CMIP: variants seen among roughly 807,000 people sequenced by gnomAD.
CMIP encodes C-Maf-inducing protein.
A neutral mutation model predicts 97.3 loss-of-function variants in CMIP; 13 were observed. The ratio of observed to expected loss-of-function variants is 0.13; its 90% CI spans 0.09 to 0.21. CMIP has a LOEUF of 0.21. Ranked by LOEUF, CMIP falls within the 10% of genes least tolerant of loss-of-function variation. The pLI is 1.00. For missense variants in CMIP, 847 were observed against 1,024.9 expected (o/e 0.83, Z 2.37); for synonymous variants, 538 against 436.3 (o/e 1.23, Z -2.91).
chr16:81,479,012 C>T (rs1029449417), intron 1 of CMIP, among the ~76,000 whole-genome samples: 1 of 152,186 alleles, frequency 6.6e-6, no homozygotes, highest in African/African-American at 2.4e-5. Context: ...TTGCTGGACG[C>T]CTAGGAGAAG....
rs184638611 is a variant in CMIP, at chr16:81,706,754, C to T, written c.2198-260C>T. Reference sequence around the variant, plus strand: ...ATCAGGTCCAGGCAGTGGGGGCACACGACAGAGGGACCAGAAGGGAGGGAG... The same window carrying T: ...ATCAGGTCCAGGCAGTGGGGGCACATGACAGAGGGACCAGAAGGGAGGGAG... On this transcript the variant is annotated intron_variant, in intron 19 of 20. Coordinates refer to ENST00000537098, the MANE Select transcript of CMIP (RefSeq NM_198390.3). Among the ~76,000 whole-genome samples, 593 of 152,172 alleles carry T rather than the reference C, an allele frequency of 3.9e-3. 1 individual carries two copies. The highest frequency in any genetic ancestry group is 0.013 in the African/African-American group (526 of 41,496).
rs181076049 is a variant in CMIP, at chr16:81,540,863, G to A, written c.301-66704G>A. Among the ~76,000 whole-genome samples, 173 of 152,010 alleles carry A rather than the reference G, an allele frequency of 1.1e-3. 1 individual carries two copies. The highest frequency in any genetic ancestry group is 4.0e-3 in the African/African-American group (167 of 41,456). On this transcript the variant is annotated intron_variant, in intron 1 of 20. Coordinates refer to ENST00000537098, the MANE Select transcript of CMIP (RefSeq NM_198390.3). Reference sequence around the variant, plus strand: ...GCCTGGCTAATTTTTTGTATTTTTAGTAGAGACAGGGTTTCACCGTGTTAG... The same window carrying A: ...GCCTGGCTAATTTTTTGTATTTTTAATAGAGACAGGGTTTCACCGTGTTAG...
chr16:81,511,928 T>A (rs1043264723), intron 1 of CMIP, among the ~76,000 whole-genome samples: 12 of 152,206 alleles, frequency 7.9e-5, no homozygotes, highest in African/African-American at 2.9e-4. Flanking sequence ...CGCTGAGCAC[T>A]TGAAATGAGG....
At chr16:81,530,846 T>G (rs547321650) in intron 1 of CMIP, among the ~76,000 whole-genome samples, 1 of 152,280 alleles carries the variant, frequency 6.6e-6, no homozygotes, top group Non-Finnish European at 1.5e-5. Context: ...TTCAGCTTCT[T>G]CTGCATAAAA....
intron 1 of CMIP, among the ~76,000 whole-genome samples, chr16:81,540,195 C>T (rs1340085020): frequency 6.6e-6 from 1 of 152,218 alleles, no homozygotes; most frequent in African/African-American, 2.4e-5. Context: ...TAGTGACCAG[C>T]ATCGCTGGCC....
intron 1 of CMIP, among the ~76,000 whole-genome samples, chr16:81,593,704 A>G (rs558610799): frequency 6.6e-6 from 1 of 152,254 alleles, no homozygotes; most frequent in East Asian, 1.9e-4. Context: ...CGCTGGCACA[A>G]ATGGATCCTC....
chr16:81,610,792 C>T (rs2091819023), intron 2 of CMIP, among the ~76,000 whole-genome samples: 1 of 152,154 alleles, frequency 6.6e-6, no homozygotes, highest in South Asian at 2.1e-4. Flanking sequence ...TTTCTTCAGT[C>T]CTGGTTGTAT....
intron 1 of CMIP, among the ~76,000 whole-genome samples, chr16:81,459,816 C>G (rs117373228): frequency 1.2e-3 from 182 of 152,302 alleles, no homozygotes; most frequent in Middle Eastern, 3.4e-3. Context: ...TAGACCAAGC[C>G]CAGGAGGCTG....
Position 81,678,591 on chromosome 16 carries a change from C to G in CMIP, c.1351C>G (p.Arg451Gly). Residue 451 changes from arginine to glycine, a missense_variant, in exon 10 of 21, where the codon CGC becomes GGC. This residue lies in a region of CMIP where 202 missense variants were observed against 168.7 expected (regional missense o/e 1.20). Transcript: ENST00000537098. ...CATCGAGCTGGGCCCCCAGGCCGAC[C>G]GCACGCTCGGCTGCTACGTGGAAAT... is the stretch of plus-strand genomic sequence containing the variant. ...MSIELGPQAD[R>G]TLGCYVEILK... 6.2e-7 allele frequency: 1 copy of G among 1,600,666 alleles called. No individual in the cohort carries two copies. The highest frequency in any genetic ancestry group is 8.5e-7 in the Non-Finnish European group (1 of 1,172,886).
intron 1 of CMIP, among the ~76,000 whole-genome samples, chr16:81,586,629 T>C (rs945457556): frequency 2.0e-5 from 3 of 152,052 alleles, no homozygotes; most frequent in African/African-American, 7.3e-5. Flanking sequence ...CTTCAACTTC[T>C]CTCTCTCTGC....
At position 81,624,537 on chromosome 16, in the gene CMIP, C is replaced by T. The variant is rs565767147; in HGVS notation, c.477+3611C>T. On this transcript the variant is annotated intron_variant, in intron 3 of 20. Transcript: ENST00000537098. Reference sequence around the variant, plus strand: ...CCTCCTAAATACTGTGTCCCCATTGCTTAGTTTTGATCAAGTTGGACTTGC... The same window carrying T: ...CCTCCTAAATACTGTGTCCCCATTGTTTAGTTTTGATCAAGTTGGACTTGC... Among the ~76,000 whole-genome samples the T allele has an allele frequency of 1.0e-3, 157 of 151,894 alleles. 2 individuals are homozygous for T. The highest frequency in any genetic ancestry group is 1.9e-3 in the Non-Finnish European group (127 of 68,000).
chr16:81,687,767 G>A (rs757705667), intron 10 of CMIP, among the ~76,000 whole-genome samples: 3 of 152,194 alleles, frequency 2.0e-5, no homozygotes, highest in African/African-American at 4.8e-5. Flanking sequence ...GCTTTTGGGG[G>A]CAAGAGTTGG....
At chr16:81,708,193 G>C (rs1908364301) in intron 20 of CMIP, among the ~76,000 whole-genome samples, 1 of 152,246 alleles carries the variant, frequency 6.6e-6, no homozygotes. Flanking sequence ...CGAGGTCCAA[G>C]AGAGGACGTA....
intron 1 of CMIP, among the ~76,000 whole-genome samples, chr16:81,572,067 T>G (rs2091101040): frequency 6.6e-6 from 1 of 152,188 alleles, no homozygotes; most frequent in African/African-American, 2.4e-5. Context: ...CAGGGTGACT[T>G]TGATGTCGTG....
At chr16:81,676,012 G>A (rs1261612956) in intron 9 of CMIP, among the ~76,000 whole-genome samples, 4 of 152,202 alleles carry the variant, frequency 2.6e-5, no homozygotes, top group African/African-American at 9.7e-5. Flanking sequence ...TGTAAGTGGA[G>A]AAGGGACGTG....
intron 1 of CMIP, among the ~76,000 whole-genome samples, chr16:81,523,874 C>T (rs2090077414): frequency 3.9e-5 from 6 of 152,220 alleles, no homozygotes; most frequent in Admixed American, 3.9e-4. Flanking sequence ...CCCTTGGCTC[C>T]CTCCAAACGT....
At chr16:81,575,980 T>C (rs1216925911) in intron 1 of CMIP, among the ~76,000 whole-genome samples, 1 of 152,228 alleles carries the variant, frequency 6.6e-6, no homozygotes, top group Non-Finnish European at 1.5e-5. Context: ...TAGTGCCTGG[T>C]TGCGCTAAGC....
At chr16:81,514,966 A>G (rs1327738454) in intron 1 of CMIP, among the ~76,000 whole-genome samples, 1 of 152,152 alleles carries the variant, frequency 6.6e-6, no homozygotes, top group Admixed American at 6.5e-5. Context: ...CACTCCCCTG[A>G]GCATCGTTGT....
chr16:81,693,301 C>T (rs1567667105), intron 12 of CMIP, 117 bp downstream of exon 12: 1 of 1,406,718 alleles, frequency 7.1e-7, no homozygotes, highest in Non-Finnish European at 9.9e-7. Flanking sequence ...TGGCAGTTCT[C>T]TTGAGACACG....
Sources: gnomAD v4.1 joint callset for allele counts (sites outside exome capture counted in the v4.1 genomes callset) on GRCh38, gnomAD v4.1.1 for gene constraint, gnomAD v4.1.1 regional missense constraint, MANE v1.5 for transcripts, NCBI Gene and HGNC (gene_info 2026-07-23, HGNC 2026-07-21) for gene names.